Variants in DCDC2 observed in about 807,000 individuals in gnomAD.
The protein encoded by DCDC2 is doublecortin domain containing 2, also known as doublecortin domain-containing protein 2.
Under a neutral mutation model 50.2 loss-of-function variants are expected in DCDC2, and 40 were observed. The observed-to-expected ratio is 0.80, with a 90% CI of 0.62 to 1.04. The LOEUF (loss-of-function observed/expected upper bound fraction) is 1.04, where lower values mean the gene tolerates loss of function less well. Ranked by LOEUF, DCDC2 falls within the 50% of genes least tolerant of loss-of-function variation. The pLI is 0.00. For missense variants in DCDC2, 570 were observed against 581.9 expected, an observed-to-expected ratio of 0.98 and a Z score of 0.21; for synonymous variants, 234 against 210.6, an observed-to-expected ratio of 1.11 and a Z score of -0.96.
chr6:24,186,916 G>C (rs143359994), intron 8 of DCDC2, among the ~76,000 whole-genome samples: 331 of 152,234 alleles, frequency 2.2e-3, no homozygotes, highest in Middle Eastern at 0.014. Flanking sequence ...AATCCAATCT[G>C]ACTCATGTCA....
intron 7 of DCDC2, among the ~76,000 whole-genome samples, chr6:24,215,025 G>A (rs1238676534): frequency 6.6e-6 from 1 of 152,154 alleles, no homozygotes; most frequent in African/African-American, 2.4e-5. Flanking sequence ...TTATCTACCG[G>A]GGGGTCACAT....
rs1238457763 is a variant in DCDC2 at position 24,292,516 on chromosome 6, G to C, written c.558-1438C>G. Among the ~76,000 whole-genome samples the C allele has an allele frequency of 2.6e-4, 40 of 152,072 alleles. 1 individual carries two copies. Among genetic ancestry groups the C allele is most frequent in the Non-Finnish European group, 1.0e-4 (7 of 68,022 alleles). On this transcript the variant is annotated intron_variant, in intron 4 of 9. Coordinates refer to ENST00000378454, the MANE Select transcript of DCDC2 (RefSeq NM_016356.5). ...GTAAAGTCTCTTTCTTTATAACATTGTACCTCTACTCCTAACAAGTCTAAA... is the reference window on the plus strand; with the variant it reads ...GTAAAGTCTCTTTCTTTATAACATTCTACCTCTACTCCTAACAAGTCTAAA...
intron 7 of DCDC2, among the ~76,000 whole-genome samples, chr6:24,224,221 C>A (rs775221654): frequency 6.7e-6 from 1 of 148,694 alleles, no homozygotes; most frequent in Non-Finnish European, 1.5e-5. Context: ...TTCATTAATT[C>A]ATTCATTCAT....
chr6:24,262,311 A>C (rs572684065), intron 7 of DCDC2, among the ~76,000 whole-genome samples: 1 of 152,304 alleles, frequency 6.6e-6, no homozygotes, highest in South Asian at 2.1e-4. Flanking sequence ...AGCCAGAGGG[A>C]AACTGTCCCA....
chr6:24,251,435 T>C (rs1268750054), intron 7 of DCDC2, among the ~76,000 whole-genome samples: 1 of 152,206 alleles, frequency 6.6e-6, no homozygotes, highest in African/African-American at 2.4e-5. Flanking sequence ...TACCTTGGCT[T>C]CCACAGCTGG....
chr6:24,226,487 A>G (rs1343287880), intron 7 of DCDC2, among the ~76,000 whole-genome samples: 2 of 152,250 alleles, frequency 1.3e-5, no homozygotes, highest in East Asian at 3.8e-4. Flanking sequence ...GGAGCAGACT[A>G]TGGCAAGACT....
At chr6:24,325,797 A>T (rs150294904) in intron 2 of DCDC2, among the ~76,000 whole-genome samples, 2 of 149,318 alleles carry the variant, frequency 1.3e-5, no homozygotes, top group Admixed American at 1.3e-4. Context: ...CTGTTTTAAA[A>T]ATATATATAT....
At chr6:24,273,322 T>C (rs1050794186) in intron 7 of DCDC2, among the ~76,000 whole-genome samples, 8 of 152,126 alleles carry the variant, frequency 5.3e-5, no homozygotes, top group Non-Finnish European at 1.2e-4. Context: ...AATTACATCA[T>C]GGGGACAATT....
chr6:24,278,480 A>C (rs969923628), intron 6 of DCDC2, among the ~76,000 whole-genome samples: 3 of 152,188 alleles, frequency 2.0e-5, no homozygotes, highest in Non-Finnish European at 4.4e-5. Flanking sequence ...GTATTCACTC[A>C]ATCCTCATGC....
upstream of DCDC2, among the ~76,000 whole-genome samples, chr6:24,358,839 A>ATT (rs1554121637): frequency 1.5e-3 from 34 of 22,760 alleles, 1 homozygote; most frequent in Admixed American, 5.2e-3. Flanking sequence ...ATTTATATAT[A>ATT]TATTTATATA....
intron 8 of DCDC2, among the ~76,000 whole-genome samples, chr6:24,190,784 A>T (rs191616668): frequency 6.6e-6 from 1 of 152,346 alleles, no homozygotes; most frequent in Non-Finnish European, 1.5e-5. Flanking sequence ...TTAATGCCTA[A>T]TGTGAATATG....
intron 7 of DCDC2, among the ~76,000 whole-genome samples, chr6:24,257,748 G>T (rs537210456): frequency 6.6e-6 from 1 of 151,880 alleles, no homozygotes; most frequent in Admixed American, 6.6e-5. Context: ...AATTTCATCA[G>T]AAAAGTTTTG....
chr6:24,201,963 G>A (rs1010925660), intron 8 of DCDC2, among the ~76,000 whole-genome samples: 10 of 151,954 alleles, frequency 6.6e-5, no homozygotes, highest in South Asian at 6.3e-4. Flanking sequence ...TGAATAGACC[G>A]ATGATAAATT....
chr6:24,344,699 C>A (rs959236352), intron 2 of DCDC2, among the ~76,000 whole-genome samples: 3 of 152,208 alleles, frequency 2.0e-5, no homozygotes, highest in African/African-American at 7.2e-5. Flanking sequence ...TGTTCAAACA[C>A]ACATACACGC....
intron 7 of DCDC2, among the ~76,000 whole-genome samples, chr6:24,208,363 C>CTTTTTTTT (rs34475687): frequency 2.5e-4 from 21 of 84,422 alleles, no homozygotes; most frequent in South Asian, 4.4e-4. Flanking sequence ...CTCTGTGCTA[C>CTTTTTTTT]TTTTTTTTTT....
chr6:24,305,796 G>T (rs1022766050), intron 2 of DCDC2, among the ~76,000 whole-genome samples: 3 of 152,038 alleles, frequency 2.0e-5, no homozygotes, highest in East Asian at 1.9e-4. Context: ...GGAGGCCAAG[G>T]GGGGGTGGAT....
At chr6:24,258,790 CCAACCAATCAGAGCTCACCTGCCT>C (rs1762949618) in intron 7 of DCDC2, among the ~76,000 whole-genome samples, 1 of 152,130 alleles carries the variant, frequency 6.6e-6, no homozygotes, top group African/African-American at 2.4e-5. Flanking sequence ...GTCACTTGAA[CCAACCAATCAGAGCTCACCTGCCT>C]CAACCAATCA....
intron 2 of DCDC2, among the ~76,000 whole-genome samples, chr6:24,320,724 A>G (rs965549471): frequency 5.3e-5 from 8 of 152,174 alleles, no homozygotes; most frequent in African/African-American, 1.9e-4. Context: ...ATGTATGTAT[A>G]GTTATATATG....
intron 7 of DCDC2, among the ~76,000 whole-genome samples, chr6:24,249,547 C>T (rs187635594): frequency 2.0e-5 from 3 of 152,312 alleles, no homozygotes; most frequent in African/African-American, 7.2e-5. Flanking sequence ...ATTGGTTGCA[C>T]AAAACGCCTA....
Sources: gnomAD v4.1 joint callset for allele counts (sites outside exome capture counted in the v4.1 genomes callset) on GRCh38, gnomAD v4.1.1 for gene constraint, MANE v1.5 for transcripts, NCBI Gene and HGNC (gene_info 2026-07-23, HGNC 2026-07-21) for gene names.